The following ERBB4 variants were observed in gnomAD, a reference collection of about 807,000 sequenced individuals.
The protein encoded by ERBB4 is receptor tyrosine-protein kinase erbB-4.
In ERBB4, 42 loss-of-function variants were observed where a neutral mutation model predicts 158.0. That is an observed-to-expected ratio of 0.27 (90% confidence interval 0.21 to 0.34). The LOEUF (loss-of-function observed/expected upper bound fraction) is 0.34, where lower values mean the gene tolerates loss of function less well. ERBB4 is among the 10% of genes least tolerant of loss of function. ERBB4 has a pLI of 1.00. For synonymous variants in ERBB4, 583 were observed against 558.7 expected (o/e 1.04, Z -0.61); for missense variants, 1,333 against 1,624.1 (o/e 0.82, Z 3.08).
intron 2 of ERBB4, among the ~76,000 whole-genome samples, chr2:212,045,536 G>T (rs566909299): frequency 6.6e-6 from 1 of 152,210 alleles, no homozygotes; most frequent in South Asian, 2.1e-4. Flanking sequence ...ACCCTCAATT[G>T]CTTTCCAAAT....
intron 3 of ERBB4, among the ~76,000 whole-genome samples, chr2:211,906,715 C>T (rs2079402713): frequency 6.6e-6 from 1 of 151,498 alleles, no homozygotes; most frequent in Non-Finnish European, 1.5e-5. Flanking sequence ...ACCCTCTACC[C>T]TCAAGTAGGC....
At chr2:212,133,042 G>A (rs988697342) in intron 1 of ERBB4, among the ~76,000 whole-genome samples, 5 of 152,082 alleles carry the variant, frequency 3.3e-5, no homozygotes, top group Admixed American at 6.6e-5. Context: ...CCTTGGGAGA[G>A]AAGGTAAAGT....
chr2:212,291,419 T>G (rs1278090298), intron 1 of ERBB4, among the ~76,000 whole-genome samples: 1 of 152,118 alleles, frequency 6.6e-6, no homozygotes, highest in Admixed American at 6.6e-5. Context: ...TACTAGATAT[T>G]TTTAATGGAA....
intron 20 of ERBB4, among the ~76,000 whole-genome samples, chr2:211,502,112 A>G (rs2065631879): frequency 6.6e-6 from 1 of 152,158 alleles, no homozygotes; most frequent in African/African-American, 2.4e-5. Flanking sequence ...CAGCAAGCAG[A>G]TTGAATAAAC....
Position 211,825,758 on chromosome 2 carries a change from TTATA to T in ERBB4, c.422-37603_422-37600del, listed in dbSNP as rs139052329. Among the ~76,000 whole-genome samples, 624 of 147,576 alleles carry T rather than the reference TTATA, an allele frequency of 4.2e-3. 4 individuals are homozygous for T. Among genetic ancestry groups the T allele is most frequent in the African/African-American group, 0.014 (588 of 40,782 alleles). ...TGGTAGAAATGTAATATATTTGTCA[TTATA>T]TATATATTATATATTATTAATAATA... On this transcript the variant is annotated intron_variant, in intron 3 of 27. Coordinates refer to ENST00000342788, the MANE Select transcript of ERBB4 (RefSeq NM_005235.3).
At chr2:211,801,953 C>T (rs1559530583) in intron 3 of ERBB4, among the ~76,000 whole-genome samples, 1 of 152,100 alleles carries the variant, frequency 6.6e-6, no homozygotes, top group Non-Finnish European at 1.5e-5. Context: ...GAACACTAAT[C>T]AGATTAGCAT....
chr2:212,017,397 G>C (rs2076552900), intron 2 of ERBB4, among the ~76,000 whole-genome samples: 1 of 152,030 alleles, frequency 6.6e-6, no homozygotes, highest in African/African-American at 2.4e-5. Flanking sequence ...CCAGACAGTA[G>C]AATGAAAAGG....
In ERBB4 at chr2:212,425,539, A is replaced by T. The variant is rs563533230; in HGVS notation, c.82+112910T>A. On this transcript the variant is annotated intron_variant, in intron 1 of 27. Coordinates refer to ENST00000342788, the MANE Select transcript of ERBB4 (RefSeq NM_005235.3). ...AACAATAATATCAAAAAGTCTCCTC[A>T]AAATAAAACACATCCATATTTTAAC... is the stretch of plus-strand genomic sequence containing the variant. Among the ~76,000 whole-genome samples the T allele has an allele frequency of 4.0e-5, 6 of 151,672 alleles. No homozygotes were observed. In the East Asian group the frequency reaches 1.2e-3, roughly 29 times the overall value.
chr2:212,159,923 A>G (rs2081154363), intron 1 of ERBB4, among the ~76,000 whole-genome samples: 1 of 151,990 alleles, frequency 6.6e-6, no homozygotes, highest in Non-Finnish European at 1.5e-5. Context: ...AATGTACACA[A>G]TATTGGAAAA....
At position 211,422,107 on chromosome 2, in the gene ERBB4, G is replaced by T; in HGVS notation, c.2867-3C>A. 1 of 1,585,006 alleles carries T rather than the reference G, an allele frequency of 6.3e-7. No homozygotes were observed. Among genetic ancestry groups the T allele is most frequent in the Non-Finnish European group, 8.7e-7 (1 of 1,153,990 alleles). On this transcript the variant is annotated splice_polypyrimidine_tract_variant and splice_region_variant and intron_variant, in intron 23 of 27. Coordinates refer to ENST00000342788, the MANE Select transcript of ERBB4 (RefSeq NM_005235.3). ...ACTGTCAGCATCAATCATCCAACCT[G>T]GAAATTTACACAGTGAAAATGTCAC...
At chr2:212,354,071 C>G (rs1055722309) in intron 1 of ERBB4, among the ~76,000 whole-genome samples, 2 of 152,258 alleles carry the variant, frequency 1.3e-5, no homozygotes, top group South Asian at 2.1e-4. Flanking sequence ...TCCATCGCTA[C>G]AGGATTGATC....
intron 20 of ERBB4, among the ~76,000 whole-genome samples, chr2:211,553,109 C>T (rs2067146720): frequency 6.6e-6 from 1 of 151,980 alleles, no homozygotes; most frequent in South Asian, 2.1e-4. Context: ...GCTGGGATTG[C>T]AGGCACCCAC....
At chr2:212,434,237 T>G (rs762550475) in intron 1 of ERBB4, among the ~76,000 whole-genome samples, 3 of 151,990 alleles carry the variant, frequency 2.0e-5, no homozygotes, top group Non-Finnish European at 2.9e-5. Flanking sequence ...TAGTAAATTC[T>G]GAAATCCCAA....
Position 212,442,883 on chromosome 2 carries a change from G to T in ERBB4, c.82+95566C>A, listed in dbSNP as rs537996080. On this transcript the variant is annotated intron_variant, in intron 1 of 27. Transcript: ENST00000342788. Reference sequence around the variant, plus strand: ...ACCATCAAGGACTTGAAGTTGCAGGGGTAGTGATTCCCACCACATCCATGT... The same window carrying T: ...ACCATCAAGGACTTGAAGTTGCAGGTGTAGTGATTCCCACCACATCCATGT... Among the ~76,000 whole-genome samples, 3 of 152,254 alleles carry T rather than the reference G, an allele frequency of 2.0e-5. No homozygotes were observed. In the East Asian group the frequency reaches 5.8e-4, roughly 29 times the overall value.
chr2:212,291,942 T>A (rs2086222907), intron 1 of ERBB4, among the ~76,000 whole-genome samples: 1 of 152,046 alleles, frequency 6.6e-6, no homozygotes, highest in South Asian at 2.1e-4. Context: ...GTTTGTGGAC[T>A]GTTACAATTA....
chr2:212,289,974 G>A (rs963675709), intron 1 of ERBB4, among the ~76,000 whole-genome samples: 8 of 151,914 alleles, frequency 5.3e-5, no homozygotes, highest in Non-Finnish European at 1.0e-4. Context: ...TCCTCTATTC[G>A]TAGCATATGT....
chr2:211,921,613 A>G (rs2079860049), intron 3 of ERBB4, among the ~76,000 whole-genome samples: 1 of 152,084 alleles, frequency 6.6e-6, no homozygotes, highest in Non-Finnish European at 1.5e-5. Context: ...GACAGTAAAC[A>G]TGTTTTAACA....
chr2:212,219,314 T>C (rs551793205), intron 1 of ERBB4, among the ~76,000 whole-genome samples: 4 of 151,600 alleles, frequency 2.6e-5, no homozygotes, highest in African/African-American at 9.6e-5. Context: ...TTGTATAATG[T>C]CTTTTTATAG....
At chr2:212,081,246 C>G (rs1297527792) in intron 2 of ERBB4, among the ~76,000 whole-genome samples, 1 of 152,154 alleles carries the variant, frequency 6.6e-6, no homozygotes, top group African/African-American at 2.4e-5. Flanking sequence ...ATCAACCAAA[C>G]TGCAGTCAGC....
Sources: allele counts gnomAD v4.1 joint callset (sites outside exome capture counted in the v4.1 genomes callset), GRCh38; gene constraint gnomAD v4.1.1; transcripts MANE v1.5; gene names NCBI Gene and HGNC (gene_info 2026-07-23, HGNC 2026-07-21).